ESD: variants seen among roughly 807,000 people sequenced by gnomAD.
ESD encodes the protein esterase D, also known as S-formylglutathione hydrolase.
In ESD, 34 loss-of-function variants were observed where a neutral mutation model predicts 38.1. The observed-to-expected ratio is 0.89, with a 90% CI of 0.68 to 1.19. ESD has a LOEUF of 1.19. Ranked by LOEUF, ESD falls within the 50% of genes most tolerant of loss-of-function variation. ESD has a pLI of 0.00. For synonymous variants in ESD, 97 were observed against 107.0 expected, an observed-to-expected ratio of 0.91 and a Z score of 0.58; for missense variants, 334 against 327.2, an observed-to-expected ratio of 1.02 and a Z score of -0.16.
chr13:46,777,621 A>G lies in ESD; in HGVS notation c.603T>C (p.Ala201=), dbSNP rs779095177. 7 of 1,596,318 alleles carry G rather than the reference A, an allele frequency of 4.4e-6. No individual in the cohort carries two copies. The highest frequency in any genetic ancestry group is 6.0e-6 in the Non-Finnish European group (7 of 1,171,354). The change falls in exon 9 of 10, where the codon GCT becomes GCC. Residue 201 remains alanine, a splice_region_variant and synonymous_variant. Coordinates refer to ENST00000378720, the MANE Select transcript of ESD (RefSeq NM_001984.2). The part of the protein sequence containing the change: ...YLGTDQSKWK[A]YDATHLVKSY... ...ATTTCACAAGGTGGGTAGCATCATAAGCCTGTAAAAAGAGAAGTAACATTG... is the reference window on the plus strand; with the variant it reads ...ATTTCACAAGGTGGGTAGCATCATAGGCCTGTAAAAAGAGAAGTAACATTG...
intron 1 of ESD, 76 bp downstream of exon 1, chr13:46,797,029 C>G (rs1234340391): frequency 1.3e-5 from 2 of 152,496 alleles, no homozygotes; most frequent in East Asian, 1.9e-4. Context: ...TCGGCGTCCG[C>G]CCCGATCACG....
chr13:46,784,178 A>T, intron 5 of ESD, 74 bp downstream of exon 5: 1 of 1,166,368 alleles, frequency 8.6e-7, no homozygotes, highest in Non-Finnish European at 1.2e-6. Flanking sequence ...TGTATAATGT[A>T]TATATCATAC....
Position 46,777,533 on chromosome 13 carries a change from C to G in ESD, c.691G>C (p.Asp231His). The G allele has an allele frequency of 6.2e-7, 1 of 1,611,452 alleles. No homozygotes were observed. Among genetic ancestry groups the G allele is most frequent in the Non-Finnish European group, 8.5e-7 (1 of 1,178,236 alleles). ...AAGTTATCAGGGAGTAACTGTCCAT[C>G]TAAAAGAAACTGGTCATCTTTCCCT... ...DQGKDDQFLL[D>H]GQLLPDNFIA... Residue 231 changes from aspartate to histidine, a missense_variant, in exon 9 of 10, where the codon GAT becomes CAT. Coordinates refer to ENST00000378720, the MANE Select transcript of ESD (RefSeq NM_001984.2).
Position 46,779,996 on chromosome 13 carries a change from A to G in ESD, c.539T>C (p.Leu180Pro), listed in dbSNP as rs1484258277. 1 of 1,603,954 alleles carries G rather than the reference A, an allele frequency of 6.2e-7. No homozygotes were observed. The highest frequency in any genetic ancestry group is 1.3e-5 in the African/African-American group (1 of 74,434). ...AAAGGCTTTTTTGCCCCAGGGACAG[A>G]GTACAGGGTTGCAAATTGGAGCAAA... Reference protein sequence around the residue: ...SAFAPICNPVLCPWGKKAFSG... With the variant: ...SAFAPICNPVPCPWGKKAFSG... Residue 180 changes from leucine (L) to proline (P), a missense_variant, in exon 8 of 10, where the codon CTC (leucine) becomes CCC (proline). Leu to Pro is a moderately conservative substitution (Grantham distance 98). Coordinates refer to ENST00000378720, the MANE Select transcript of ESD (RefSeq NM_001984.2).
intron 2 of ESD, among the ~76,000 whole-genome samples, chr13:46,792,333 T>C (rs984006076): frequency 1.3e-5 from 2 of 152,026 alleles, no homozygotes; most frequent in African/African-American, 2.4e-5. Context: ...ACCCTGGTGA[T>C]CTTCTCAGAG....
At chr13:46,788,703 T>A (rs1875286271) in intron 3 of ESD, among the ~76,000 whole-genome samples, 1 of 150,296 alleles carries the variant, frequency 6.7e-6, no homozygotes, top group Non-Finnish European at 1.5e-5. Context: ...ACAACAGGAT[T>A]ATCAAGCAAT....
At position 46,780,007 on chromosome 13, in the gene ESD, G is replaced by A; in HGVS notation, c.528C>T (p.Cys176=). Residue 176 remains cysteine, a synonymous_variant, in exon 8 of 10, where the codon TGC becomes TGT. Transcript: ENST00000378720. Reference sequence around the variant, plus strand: ...TGCCCCAGGGACAGAGTACAGGGTTGCAAATTGGAGCAAATGCTGACACAG... The same window carrying A: ...TGCCCCAGGGACAGAGTACAGGGTTACAAATTGGAGCAAATGCTGACACAG... ...YKSVSAFAPI[C]NPVLCPWGKK... 1 of 1,597,192 alleles carries A rather than the reference G, an allele frequency of 6.3e-7. No individual in the cohort carries two copies. Among genetic ancestry groups the A allele is most frequent in the African/African-American group, 1.3e-5 (1 of 74,130 alleles).
At chr13:46,782,181 A>G (rs1212090317) in intron 6 of ESD, among the ~76,000 whole-genome samples, 1 of 151,172 alleles carries the variant, frequency 6.6e-6, no homozygotes, top group Non-Finnish European at 1.5e-5. Context: ...ACCAAAACAT[A>G]AGTGTTTTGG....
chr13:46,774,597 A>AT (rs1425995633), intron 9 of ESD, among the ~76,000 whole-genome samples: 1 of 152,208 alleles, frequency 6.6e-6, no homozygotes, highest in Non-Finnish European at 1.5e-5. Context: ...CTCCTGGAGT[A>AT]TAAAAATAAA....
At chr13:46,775,813 G>C (rs1197228761) in intron 9 of ESD, 1 of 362,432 alleles carries the variant, frequency 2.8e-6, no homozygotes, top group Non-Finnish European at 5.6e-6. Flanking sequence ...ATTAAGTATA[G>C]CCAACTATGT....
At chr13:46,789,407 T>C (rs1875311043) in intron 3 of ESD, among the ~76,000 whole-genome samples, 1 of 152,244 alleles carries the variant, frequency 6.6e-6, no homozygotes, top group African/African-American at 2.4e-5. Flanking sequence ...GTTCTAGTAA[T>C]ACCGTTGAGC....
chr13:46,795,890 G>A (rs1255494330), intron 1 of ESD, among the ~76,000 whole-genome samples: 1 of 152,000 alleles, frequency 6.6e-6, no homozygotes, highest in Non-Finnish European at 1.5e-5. Flanking sequence ...GAGTAGTTGG[G>A]ACCACAGGTG....
At chr13:46,793,004 T>C (rs1875450001) in intron 2 of ESD, among the ~76,000 whole-genome samples, 1 of 152,110 alleles carries the variant, frequency 6.6e-6, no homozygotes, top group Non-Finnish European at 1.5e-5. Flanking sequence ...TCTATTTTAA[T>C]AAACCTCAAG....
At chr13:46,785,521 T>C (rs1418857571) in intron 4 of ESD, 1 of 152,036 alleles carries the variant, frequency 6.6e-6, no homozygotes, top group East Asian at 1.9e-4. Flanking sequence ...TTCAGCTAAT[T>C]TCTCTATTTT....
chr13:46,771,335 T>A lies in ESD; in HGVS notation c.*81A>T, dbSNP rs1874596065. 2 of 226,742 alleles carry A rather than the reference T, an allele frequency of 8.8e-6. No homozygotes were observed. The highest frequency in any genetic ancestry group is 7.0e-6 in the Non-Finnish European group (1 of 143,310). The allele number at this position is 226,742 out of a possible 1,614,324, so 14.0% of individuals were successfully genotyped here. ...GCACTATAAAATCCAATGTTTTGAATTTTTTTTTTTTTTGCTCAGCAATAC... is the reference window on the plus strand; with the variant it reads ...GCACTATAAAATCCAATGTTTTGAAATTTTTTTTTTTTTGCTCAGCAATAC... On this transcript the variant is annotated 3_prime_UTR_variant, in exon 10 of 10. Transcript: ENST00000378720.
intron 4 of ESD, among the ~76,000 whole-genome samples, chr13:46,785,281 G>A (rs187499195): frequency 2.2e-4 from 34 of 152,004 alleles, no homozygotes; most frequent in Admixed American, 9.8e-4. Context: ...ACTAGCAATC[G>A]ATTTTATTGA....
intron 5 of ESD, among the ~76,000 whole-genome samples, chr13:46,784,046 C>G (rs1162025115): frequency 1.3e-5 from 2 of 151,836 alleles, no homozygotes; most frequent in East Asian, 3.9e-4. Context: ...GCAAAACTAT[C>G]CTCTTTCATA....
At chr13:46,791,693 A>G (rs901478587) in intron 2 of ESD, among the ~76,000 whole-genome samples, 3 of 152,068 alleles carry the variant, frequency 2.0e-5, no homozygotes, top group Admixed American at 2.0e-4. Flanking sequence ...GACTGCCCCA[A>G]ATTATTTTTA....
chr13:46,781,199 GA>G (rs1340768558), intron 7 of ESD, among the ~76,000 whole-genome samples: 2 of 151,484 alleles, frequency 1.3e-5, no homozygotes, highest in Non-Finnish European at 3.0e-5. Flanking sequence ...AACCTTTACA[GA>G]AAAAAAGTGT....
Sources: gnomAD v4.1 joint callset for allele counts (sites outside exome capture counted in the v4.1 genomes callset) on GRCh38, gnomAD v4.1.1 for gene constraint, MANE v1.5 for transcripts, NCBI Gene and HGNC (gene_info 2026-07-23, HGNC 2026-07-21) for gene names.